SLC9C1: variants seen among roughly 807,000 people sequenced by gnomAD.
SLC9C1 encodes sodium/hydrogen exchanger 10.
In SLC9C1, 97 loss-of-function variants were observed where a neutral mutation model predicts 140.9. That is an observed-to-expected ratio of 0.69 (90% CI 0.58 to 0.82). SLC9C1 has a LOEUF of 0.82. SLC9C1 is among the 40% of genes least tolerant of loss of function. SLC9C1 has a pLI of 0.00. For missense variants in SLC9C1, 1,340 were observed against 1,389.3 expected, an observed-to-expected ratio of 0.96 and a Z score of 0.56; for synonymous variants, 440 against 442.6, an observed-to-expected ratio of 0.99 and a Z score of 0.07.
chr3:112,192,491 T>A (rs1275474297), intron 20 of SLC9C1, among the ~76,000 whole-genome samples: 1 of 152,252 alleles, frequency 6.6e-6, no homozygotes, highest in Non-Finnish European at 1.5e-5. Flanking sequence ...TGCTCATTCA[T>A]TCATCTATTA....
intron 26 of SLC9C1, among the ~76,000 whole-genome samples, chr3:112,160,032 T>C (rs755095287): frequency 1.3e-5 from 2 of 151,800 alleles, no homozygotes; most frequent in Non-Finnish European, 2.9e-5. Context: ...TGCTTTATCT[T>C]TTAATTGGAG....
intron 6 of SLC9C1, 134 bp from the exon 7 acceptor site, chr3:112,270,211 G>A (rs2080033839): frequency 1.2e-6 from 1 of 812,884 alleles, no homozygotes; most frequent in Admixed American, 3.4e-5. Context: ...TGAGAGTGCA[G>A]ATATCCCTGG....
intron 9 of SLC9C1, 76 bp downstream of exon 9, chr3:112,264,124 C>A (rs2079851759): frequency 2.9e-6 from 2 of 698,888 alleles, no homozygotes; most frequent in East Asian, 4.0e-5. Context: ...GGTACGAAAT[C>A]TTTGTGTTAT....
intron 20 of SLC9C1, among the ~76,000 whole-genome samples, chr3:112,190,823 A>T (rs2077643237): frequency 6.6e-6 from 1 of 151,878 alleles, no homozygotes; most frequent in Non-Finnish European, 1.5e-5. Flanking sequence ...CTTTGTGTGT[A>T]ATACATGTTA....
chr3:112,201,521 G>C (rs1270555691), intron 18 of SLC9C1, among the ~76,000 whole-genome samples: 2 of 152,030 alleles, frequency 1.3e-5, no homozygotes. Context: ...ATATAGCATT[G>C]AGATGTTTTA....
At chr3:112,188,611 A>G (rs1426726960) in intron 20 of SLC9C1, among the ~76,000 whole-genome samples, 1 of 152,182 alleles carries the variant, frequency 6.6e-6, no homozygotes, top group Non-Finnish European at 1.5e-5. Context: ...TATATGTGCC[A>G]CATTTTCTTA....
intron 28 of SLC9C1, among the ~76,000 whole-genome samples, chr3:112,143,972 G>C (rs1187052848): frequency 2.6e-5 from 4 of 152,050 alleles, no homozygotes; most frequent in Admixed American, 6.6e-5. Flanking sequence ...TATATGGCTA[G>C]CCAGTTATCC....
intron 11 of SLC9C1, among the ~76,000 whole-genome samples, chr3:112,242,144 A>G (rs2079153811): frequency 6.6e-6 from 1 of 152,198 alleles, no homozygotes; most frequent in Non-Finnish European, 1.5e-5. Context: ...GAAACTATTA[A>G]TAGAGTAAAC....
intron 10 of SLC9C1, among the ~76,000 whole-genome samples, chr3:112,245,935 C>T (rs1362667561): frequency 1.3e-5 from 2 of 152,016 alleles, no homozygotes; most frequent in East Asian, 3.9e-4. Context: ...CAGAGGTATC[C>T]ATCTCTTGAT....
intron 3 of SLC9C1, among the ~76,000 whole-genome samples, chr3:112,280,287 A>T (rs1296921787): frequency 1.3e-5 from 2 of 152,224 alleles, no homozygotes; most frequent in African/African-American, 4.8e-5. Flanking sequence ...TCATTGAGGA[A>T]ATAGATTAGT....
In SLC9C1 at chr3:112,217,335, G is replaced by C; in HGVS notation, c.1790+107C>G. 3.0e-6 allele frequency: 4 copies of C among 1,322,100 alleles called. No individual in the cohort carries two copies. In the South Asian group the frequency reaches 4.9e-5, roughly 16 times the overall value. 81.9% of individuals were successfully genotyped at this position (1,322,100 alleles called of 1,614,324 possible). On this transcript the variant is annotated intron_variant, in intron 15 of 28. Coordinates refer to ENST00000305815, the MANE Select transcript of SLC9C1 (RefSeq NM_183061.3). ...CTGCACGTTGTGCACATGTACCCTA[G>C]CACTTATAGTATAATAACAAAAAAT...
chr3:112,281,091 CAG>C (rs1193732409), intron 2 of SLC9C1, among the ~76,000 whole-genome samples: 16 of 152,134 alleles, frequency 1.1e-4, no homozygotes, highest in Admixed American at 2.0e-4. Flanking sequence ...CATTATAAAT[CAG>C]AGATTAGTTT....
chr3:112,202,475 A>G, intron 17 of SLC9C1, 76 bp from the exon 18 acceptor site: 1 of 1,403,150 alleles, frequency 7.1e-7, no homozygotes, highest in Admixed American at 2.3e-5. Context: ...TTTAATCAAA[A>G]TAGTTAATAA....
At chr3:112,230,025 A>G (rs2078779801) in intron 13 of SLC9C1, among the ~76,000 whole-genome samples, 1 of 152,118 alleles carries the variant, frequency 6.6e-6, no homozygotes, top group Non-Finnish European at 1.5e-5. Context: ...TGTTTGTAAA[A>G]TACTCCTTTG....
In SLC9C1 at chr3:112,166,346, C is replaced by T. The variant is rs138494301; in HGVS notation, c.3364+875G>A. ...CTCAGTTGGAAATGCAGAAATCACC[C>T]GTCTTCTGCGTCACTCATGCTGGGA... On this transcript the variant is annotated intron_variant, in intron 26 of 28. Transcript: ENST00000305815. Among the ~76,000 whole-genome samples, 218 of 152,282 alleles carry T rather than the reference C, an allele frequency of 1.4e-3. 7 individuals carry two copies. Among genetic ancestry groups the T allele is most frequent in the Non-Finnish European group, 1.2e-3 (80 of 68,018 alleles).
In SLC9C1 at chr3:112,247,187, C is replaced by T. The variant is rs372760092; in HGVS notation, c.1198-3111G>A. On this transcript the variant is annotated intron_variant, in intron 10 of 28. Coordinates refer to ENST00000305815, the MANE Select transcript of SLC9C1 (RefSeq NM_183061.3). The stretch of plus-strand genomic sequence containing the variant: ...TCCTGTCAACGCATGCTTTAGAGGC[C>T]CAGGGAGCACACTGAATGAATCTTA... 9.2e-5 allele frequency among the ~76,000 whole-genome samples: 14 copies of T among 152,104 alleles called. No homozygotes were observed. The South Asian group carries it at 2.9e-3, about 32-fold the overall frequency.
At chr3:112,147,619 C>A (rs564151096) in intron 28 of SLC9C1, 1 of 286,170 alleles carries the variant, frequency 3.5e-6, no homozygotes, top group African/African-American at 2.3e-5. Context: ...CCCAGTCTCT[C>A]CTGGCTTGTA....
intron 7 of SLC9C1, among the ~76,000 whole-genome samples, chr3:112,266,707 C>A (rs2079928001): frequency 6.6e-6 from 1 of 152,100 alleles, no homozygotes; most frequent in Admixed American, 6.6e-5. Context: ...AGACATAGTT[C>A]TAGTTAATAA....
At chr3:112,242,428 G>A (rs1418583301) in intron 11 of SLC9C1, among the ~76,000 whole-genome samples, 1 of 152,124 alleles carries the variant, frequency 6.6e-6, no homozygotes, top group Non-Finnish European at 1.5e-5. Flanking sequence ...GCCAGGCACA[G>A]AAAGAAAAAC....
Sources: gnomAD v4.1 joint callset for allele counts (sites outside exome capture counted in the v4.1 genomes callset) on GRCh38, gnomAD v4.1.1 for gene constraint, MANE v1.5 for transcripts, NCBI Gene and HGNC (gene_info 2026-07-23, HGNC 2026-07-21) for gene names.